Variants in WNT8A observed in about 807,000 individuals in gnomAD.
The protein encoded by WNT8A is Wnt family member 8A.
WNT8A carries 14 observed loss-of-function variants against 20.5 expected under a neutral mutation model. The observed-to-expected ratio is 0.68, with a 90% confidence interval of 0.45 to 1.07. The LOEUF (loss-of-function observed/expected upper bound fraction) is 1.07. Ranked by LOEUF, WNT8A falls within the 50% of genes least tolerant of loss-of-function variation. The pLI is 0.00. For synonymous variants in WNT8A, 167 were observed against 169.2 expected, an observed-to-expected ratio of 0.99 and a Z score of 0.10; for missense variants, 397 against 462.9, an observed-to-expected ratio of 0.86 and a Z score of 1.31.
At chr5:138,089,982 A>G (rs1750792033) in intron 4 of WNT8A, among the ~76,000 whole-genome samples, 1 of 152,112 alleles carries the variant, frequency 6.6e-6, no homozygotes, top group African/African-American at 2.4e-5. Flanking sequence ...TTTTTAAGCA[A>G]GTACAACCAT....
intron 2 of WNT8A, among the ~76,000 whole-genome samples, 157 bp from the exon 3 acceptor site, chr5:138,087,649 C>CAAAAAAAAAA (rs66902804): frequency 1.7e-4 from 12 of 70,220 alleles, no homozygotes; most frequent in East Asian, 4.7e-4. Context: ...GAGCGAGTCT[C>CAAAAAAAAAA]AAAAAAAAAA....
rs749944372 is a variant in WNT8A at position 138,090,710 on chromosome 5, C to T, written c.747C>T (p.Ala249=). ...GGCAGCTGAGAGCTGGGAACAGCGC[C>T]GAGGGCCACTGGGTGCCCGCTGAGG... is the stretch of plus-strand genomic sequence containing the variant. ...DKRQLRAGNS[A]EGHWVPAEAF... Residue 249 remains alanine (A), a synonymous_variant, in exon 5 of 5, where the codon GCC becomes GCT. Coordinates refer to ENST00000506684, the MANE Select transcript of WNT8A (RefSeq NM_001300939.2). The T allele has an allele frequency of 8.1e-6, 13 of 1,614,196 alleles. No homozygotes were observed. In the South Asian group the frequency reaches 9.9e-5, roughly 12 times the overall value.
intron 4 of WNT8A, 80 bp from the exon 5 acceptor site, chr5:138,090,448 G>A: frequency 2.3e-6 from 3 of 1,300,436 alleles, no homozygotes; most frequent in Non-Finnish European, 2.1e-6. Context: ...AAGAAACACA[G>A]CTCTAAAACA....
At chr5:138,087,720 G>A (rs905193356) in intron 2 of WNT8A, 86 bp from the exon 3 acceptor site, 5 of 1,405,116 alleles carry the variant, frequency 3.6e-6, no homozygotes, top group Non-Finnish European at 4.9e-6. Flanking sequence ...GGGGATAAGG[G>A]AGATAAACAG....
In WNT8A at chr5:138,090,514, T is replaced by A; in HGVS notation, c.565-14T>A. 1 of 1,610,860 alleles carries A rather than the reference T, an allele frequency of 6.2e-7. No individual in the cohort carries two copies. Among genetic ancestry groups the A allele is most frequent in the Non-Finnish European group, 8.5e-7 (1 of 1,177,920 alleles). ...CTACTCAGAGCCATTCTCTTTTGTG[T>A]TCTCTCTATGAAGGCAGTGAGAGCC... On this transcript the variant is annotated splice_polypyrimidine_tract_variant and intron_variant, in intron 4 of 4. Transcript: ENST00000506684.
At chr5:138,083,051 G>T (rs1264888100), upstream of WNT8A, among the ~76,000 whole-genome samples, 3 of 152,090 alleles carry the variant, frequency 2.0e-5, no homozygotes, top group African/African-American at 7.2e-5. Flanking sequence ...GGAGGCCAAG[G>T]TGGGCAGATC....
chr5:138,082,686 C>G (rs966994061), upstream of WNT8A, among the ~76,000 whole-genome samples: 1 of 151,266 alleles, frequency 6.6e-6, no homozygotes, highest in Non-Finnish European at 1.5e-5. Context: ...GAGACCATCC[C>G]GGCCAACATG....
intron 2 of WNT8A, among the ~76,000 whole-genome samples, 150 bp from the exon 3 acceptor site, chr5:138,087,649 CAAAAAAA>C (rs66902804): frequency 1.3e-4 from 9 of 70,244 alleles, no homozygotes; most frequent in African/African-American, 3.0e-4. Context: ...GAGCGAGTCT[CAAAAAAA>C]AAAAAAAAAA....
At chr5:138,081,027 G>A (rs1183044068), upstream of WNT8A, among the ~76,000 whole-genome samples, 6 of 152,058 alleles carry the variant, frequency 3.9e-5, no homozygotes, top group African/African-American at 1.4e-4. Flanking sequence ...GGATCACGAG[G>A]TCAGGAGATC....
At chr5:138,079,473 T>C (rs577713962), upstream of WNT8A, among the ~76,000 whole-genome samples, 81 of 152,026 alleles carry the variant, frequency 5.3e-4, no homozygotes, top group African/African-American at 2.0e-3. Flanking sequence ...CCATTATATC[T>C]ATATGACAGA....
intron 4 of WNT8A, among the ~76,000 whole-genome samples, chr5:138,090,260 C>A (rs1254473492): frequency 6.6e-6 from 1 of 152,154 alleles, no homozygotes; most frequent in Non-Finnish European, 1.5e-5. Context: ...TTTCTGGACT[C>A]TAGTAACCTT....
chr5:138,087,876 T>C lies in WNT8A; in HGVS notation c.366T>C (p.Cys122=). The change falls in exon 3 of 5, where the codon TGT becomes TGC. Residue 122 remains cysteine (C), a synonymous_variant. Coordinates refer to ENST00000506684, the MANE Select transcript of WNT8A (RefSeq NM_001300939.2). ...AGVMYIITKN[C]SMGDFENCGC... is the part of the protein sequence containing the mutation. ...TCATGTACATCATCACCAAGAACTG[T>C]AGCATGGGTGACTTCGAAAACTGTG... 6.2e-7 allele frequency: 1 copy of C among 1,614,018 alleles called. No homozygotes were observed. The highest frequency in any genetic ancestry group is 8.5e-7 in the Non-Finnish European group (1 of 1,179,964).
chr5:138,084,038 T>C lies in WNT8A; in HGVS notation c.-90T>C. On this transcript the variant is annotated 5_prime_UTR_variant, in exon 1 of 5. Transcript: ENST00000506684. Reference sequence around the variant, plus strand: ...GAGGAAGACCCTGCCCTCTCCTCACTTCTCTGGACTTGGCCCTGAGCTGGA... The same window carrying C: ...GAGGAAGACCCTGCCCTCTCCTCACCTCTCTGGACTTGGCCCTGAGCTGGA... 6.4e-7 allele frequency: 1 copy of C among 1,565,258 alleles called. No individual in the cohort carries two copies. Among genetic ancestry groups the C allele is most frequent in the Non-Finnish European group, 8.7e-7 (1 of 1,145,394 alleles).
intron 2 of WNT8A, 48 bp downstream of exon 2, chr5:138,084,684 G>A: frequency 6.5e-7 from 1 of 1,549,448 alleles, no homozygotes; most frequent in Non-Finnish European, 8.7e-7. Flanking sequence ...TATGTGAATG[G>A]AGTGGGGCTT....
At chr5:138,087,750 C>G in intron 2 of WNT8A, 56 bp from the exon 3 acceptor site, 1 of 1,546,098 alleles carries the variant, frequency 6.5e-7, no homozygotes, top group Non-Finnish European at 8.8e-7. Context: ...TCCAAAGCCT[C>G]TGCTTTGGGT....
At chr5:138,090,484 C>T in intron 4 of WNT8A, 44 bp from the exon 5 acceptor site, 5 of 1,550,562 alleles carry the variant, frequency 3.2e-6, no homozygotes, top group Non-Finnish European at 4.4e-6. Context: ...AACCTTTGGT[C>T]TTCCCTACTC....
At chr5:138,077,775 G>A in the WNT8A span, among the ~76,000 whole-genome samples, 120 of 152,134 alleles carry the variant, frequency 7.9e-4, 1 homozygote, top group Admixed American at 2.7e-3. Context: ...CTGCCATTTG[G>A]GTACCTCAGT....
chr5:138,090,702 A>C lies in WNT8A; in HGVS notation c.739A>C (p.Asn247His), dbSNP rs1432545853. Residue 247 changes from asparagine (N) to histidine (H), a missense_variant, in exon 5 of 5, where the codon AAC becomes CAC. By Grantham distance (68) the Asn-to-His change is moderately conservative. Transcript: ENST00000506684. The part of the protein sequence containing the change: ...EMDKRQLRAG[N>H]SAEGHWVPAE... ...GGATAAGCGGCAGCTGAGAGCTGGG[A>C]ACAGCGCCGAGGGCCACTGGGTGCC... 1.9e-6 allele frequency: 3 copies of C among 1,614,078 alleles called. No homozygotes were observed.
rs66902804 is a variant in WNT8A at position 138,087,649 on chromosome 5, CAAAAAA to C, written c.296-137_296-132del. On this transcript the variant is annotated intron_variant, in intron 2 of 4. Transcript: ENST00000506684. ...TCCAGCCTGGTGACAGAGCGAGTCT[CAAAAAA>C]AAAAAAAAAAAAAAAAAAAGAAAGA... Among the ~76,000 whole-genome samples the C allele has an allele frequency of 2.3e-3, 163 of 70,236 alleles. 1 individual carries two copies. Among genetic ancestry groups the C allele is most frequent in the African/African-American group, 9.1e-3 (153 of 16,724 alleles). The allele number at this position is 70,236 out of a possible 152,430, so 46.1% of individuals were successfully genotyped here.
Sources: allele counts gnomAD v4.1 joint callset (sites outside exome capture counted in the v4.1 genomes callset), GRCh38; gene constraint gnomAD v4.1.1; transcripts MANE v1.5; gene names NCBI Gene and HGNC (gene_info 2026-07-23, HGNC 2026-07-21).